USP30: variants seen among roughly 807,000 people sequenced by gnomAD.
USP30 encodes the protein ubiquitin carboxyl-terminal hydrolase 30.
Under a neutral mutation model 68.2 loss-of-function variants are expected in USP30, and 41 were observed. The ratio of observed to expected loss-of-function variants is 0.60; its 90% CI spans 0.47 to 0.78. The LOEUF (loss-of-function observed/expected upper bound fraction) is 0.78, where lower values mean the gene tolerates loss of function less well. USP30 is among the 30% of genes least tolerant of loss of function. USP30 has a pLI of 0.00. For synonymous variants in USP30, 229 were observed against 253.7 expected (o/e 0.90, Z 0.93); for missense variants, 522 against 649.4 (o/e 0.80, Z 2.13).
At chr12:109,026,198 C>T (rs2040443700) in intron 2 of USP30, among the ~76,000 whole-genome samples, 1 of 152,154 alleles carries the variant, frequency 6.6e-6, no homozygotes, top group Admixed American at 6.5e-5. Context: ...ACCTCAGCCT[C>T]CTGAGTAGCT....
chr12:109,052,918 A>T lies in USP30; in HGVS notation c.83+157A>T, dbSNP rs562123232. The stretch of plus-strand genomic sequence containing the variant: ...TTTAGGGTTGGAGGCCTGGGCCCGT[A>T]GGTGGGAGGACTGACGGGCTCCAGT... On this transcript the variant is annotated intron_variant, in intron 1 of 12. Transcript: ENST00000257548. 54 of 684,982 alleles carry T rather than the reference A, an allele frequency of 7.9e-5. No homozygotes were observed. In the African/African-American group the frequency reaches 8.8e-4, roughly 11 times the overall value. 42.4% of individuals were successfully genotyped at this position (684,982 alleles called of 1,614,324 possible).
intron 7 of USP30, 38 bp downstream of exon 7, chr12:109,073,570 G>T: frequency 6.3e-7 from 1 of 1,577,210 alleles, no homozygotes; most frequent in Non-Finnish European, 8.7e-7. Context: ...TCCGGGAGAG[G>T]TTTTCCAAAA....
intron 1 of USP30, among the ~76,000 whole-genome samples, chr12:109,054,485 C>T (rs964635733): frequency 2.7e-4 from 41 of 151,462 alleles, no homozygotes; most frequent in African/African-American, 9.7e-4. Context: ...GGCACCACTG[C>T]ACTCCAGCCT....
At chr12:109,074,458 T>C (rs545811440) in intron 7 of USP30, among the ~76,000 whole-genome samples, 2 of 152,332 alleles carry the variant, frequency 1.3e-5, no homozygotes, top group South Asian at 2.1e-4. Context: ...CAGACTGTTT[T>C]CCAAAGTGGC....
intron 3 of USP30, among the ~76,000 whole-genome samples, chr12:109,041,108 C>T (rs2040561281): frequency 6.6e-6 from 1 of 152,196 alleles, no homozygotes; most frequent in African/African-American, 2.4e-5. Flanking sequence ...ATAGTCTCTT[C>T]AGTTTAGGAC....
At chr12:109,073,605 A>C in intron 7 of USP30, 73 bp downstream of exon 7, 1 of 1,344,668 alleles carries the variant, frequency 7.4e-7, no homozygotes, top group Admixed American at 1.8e-5. Flanking sequence ...AAGGACCTAG[A>C]GAGTGGGCTG....
chr12:109,057,174 C>T (rs1235537965), intron 2 of USP30, among the ~76,000 whole-genome samples: 1 of 151,734 alleles, frequency 6.6e-6, no homozygotes, highest in Non-Finnish European at 1.5e-5. Context: ...CAAGTTAGTG[C>T]CTTCATTACT....
chr12:109,065,486 C>T (rs901896664), intron 3 of USP30, among the ~76,000 whole-genome samples: 2 of 152,220 alleles, frequency 1.3e-5, no homozygotes, highest in Non-Finnish European at 2.9e-5. Context: ...TGGGGACACA[C>T]AAATCCCAGG....
intron 3 of USP30, among the ~76,000 whole-genome samples, chr12:109,059,798 C>T (rs895268270): frequency 1.3e-5 from 2 of 152,246 alleles, no homozygotes; most frequent in African/African-American, 4.8e-5. Flanking sequence ...GCGTGAGCCA[C>T]TGCACCTAGC....
At chr12:109,038,266 T>C (rs2040536584) in intron 3 of USP30, among the ~76,000 whole-genome samples, 1 of 144,256 alleles carries the variant, frequency 6.9e-6, no homozygotes, top group Admixed American at 7.4e-5. Flanking sequence ...ATTGTAAGCA[T>C]GTAAATATGT....
chr12:109,067,501 T>C, intron 3 of USP30, 23 bp from the exon 4 acceptor site: 1 of 1,599,252 alleles, frequency 6.3e-7, no homozygotes, highest in Admixed American at 1.7e-5. Flanking sequence ...ATTTAATAAT[T>C]GTCTTACCTT....
chr12:109,082,835 A>ACC lies in USP30; in HGVS notation c.949-6_949-5dup. On this transcript the variant is annotated splice_polypyrimidine_tract_variant and splice_region_variant and intron_variant, in intron 10 of 12. Transcript: ENST00000257548. ...ACTCGGTTCTCCCGATTTCTCTTCC[A>ACC]CCCGCAGCTCCCTCAGTGTCTCTGC... is the stretch of plus-strand genomic sequence containing the variant. 6.2e-7 allele frequency: 1 copy of ACC among 1,612,116 alleles called. No individual in the cohort carries two copies. The highest frequency in any genetic ancestry group is 8.5e-7 in the Non-Finnish European group (1 of 1,178,650).
At chr12:109,072,927 T>C (rs2041490244) in intron 6 of USP30, among the ~76,000 whole-genome samples, 1 of 152,186 alleles carries the variant, frequency 6.6e-6, no homozygotes, top group South Asian at 2.1e-4. Flanking sequence ...ATTAAAGGCA[T>C]TCCCAGGTCA....
chr12:109,052,621 C>CCGGCGGCGGCGGCCCCGGTCCGGCGG lies in USP30; in HGVS notation c.-45_-44insCCCGGTCCGGCGGCGGCGGCGGCGGC. The CCGGCGGCGGCGGCCCCGGTCCGGCGG allele has an allele frequency of 7.4e-7, 1 of 1,354,958 alleles. No homozygotes were observed. The highest frequency in any genetic ancestry group is 9.6e-7 in the Non-Finnish European group (1 of 1,041,500). The allele number at this position is 1,354,958 out of a possible 1,614,324, so 83.9% of individuals were successfully genotyped here. Reference sequence around the variant, plus strand: ...CTCGGGAACCGTCGTATCCCTCGGTCCGGCGGCGGCGGCGGCGGTAGCGGA... The same window carrying CCGGCGGCGGCGGCCCCGGTCCGGCGG: ...CTCGGGAACCGTCGTATCCCTCGGTCCGGCGGCGGCGGCCCCGGTCCGGCGGCGGCGGCGGCGGCGGCGGTAGCGGA... On this transcript the variant is annotated 5_prime_UTR_variant, in exon 1 of 13. Transcript: ENST00000257548.
chr12:109,051,390 G>A (rs1484490053), upstream of USP30, among the ~76,000 whole-genome samples: 1 of 151,284 alleles, frequency 6.6e-6, no homozygotes, highest in Non-Finnish European at 1.5e-5. Flanking sequence ...CCGAGTAGCT[G>A]GGATTACAGG....
chr12:109,028,469 T>TTTG (rs1298939854), intron 3 of USP30, among the ~76,000 whole-genome samples: 15 of 151,884 alleles, frequency 9.9e-5, no homozygotes, highest in African/African-American at 2.2e-4. Flanking sequence ...TTTCTGTTTT[T>TTTG]TTGTTGTTGT....
intron 1 of USP30, among the ~76,000 whole-genome samples, chr12:109,055,401 T>TATATATACATATATATATATACATATA (rs61062424): frequency 3.4e-5 from 1 of 29,636 alleles, no homozygotes. Flanking sequence ...TATATATATA[T>TATATATACATATATATATATACATATA]TTTTTTTTTT....
At chr12:109,037,891 C>T (rs2040532807) in intron 3 of USP30, among the ~76,000 whole-genome samples, 1 of 152,160 alleles carries the variant, frequency 6.6e-6, no homozygotes, top group Non-Finnish European at 1.5e-5. Context: ...AGGGCCTTCT[C>T]AGGTTTACCC....
In USP30 at chr12:109,071,667, G is replaced by T. The variant is rs145720570; in HGVS notation, c.536G>T (p.Arg179Leu). ...ITSSLEDERD[R>L]QPRVTHLFDV... ...TCGTCATTGGAAGATGAGCGAGACC[G>T]CCAGCCTCGGGTCACACATTTGTTT... The change falls in exon 5 of 13, where the codon CGC becomes CTC. Residue 179 changes from arginine to leucine, a missense_variant. By Grantham distance (102) the Arg-to-Leu change is moderately radical. Coordinates refer to ENST00000257548, the MANE Select transcript of USP30 (RefSeq NM_032663.5). 27 of 1,614,052 alleles carry T rather than the reference G, an allele frequency of 1.7e-5. No individual in the cohort carries two copies. The highest frequency in any genetic ancestry group is 2.1e-5 in the Non-Finnish European group (25 of 1,180,040).
Sources: allele counts gnomAD v4.1 joint callset (sites outside exome capture counted in the v4.1 genomes callset), GRCh38; gene constraint gnomAD v4.1.1; transcripts MANE v1.5; gene names NCBI Gene and HGNC (gene_info 2026-07-23, HGNC 2026-07-21).